CEP164: variants seen among roughly 807,000 people sequenced by gnomAD.
The protein encoded by CEP164 is centrosomal protein 164.
In CEP164, 162 loss-of-function variants were observed where a neutral mutation model predicts 182.7. The observed-to-expected ratio is 0.89, with a 90% CI of 0.78 to 1.01. CEP164 has a LOEUF of 1.01. Ranked by LOEUF, CEP164 falls within the 50% of genes least tolerant of loss-of-function variation. The probability of loss-of-function intolerance (pLI) is 0.00; values close to 1 mark genes in which losing one functional copy is unlikely to be tolerated. For synonymous variants in CEP164, 661 were observed against 690.0 expected, an observed-to-expected ratio of 0.96 and a Z score of 0.66; for missense variants, 1,735 against 1,790.4, an observed-to-expected ratio of 0.97 and a Z score of 0.56.
intron 14 of CEP164, among the ~76,000 whole-genome samples, chr11:117,384,244 C>T (rs1346721378): frequency 6.6e-6 from 1 of 152,208 alleles, no homozygotes; most frequent in African/African-American, 2.4e-5. Flanking sequence ...TTCATGCACA[C>T]ATTACTCACT....
intron 2 of CEP164, chr11:117,336,488 G>A: frequency 6.0e-6 from 9 of 1,493,246 alleles, no homozygotes; most frequent in Non-Finnish European, 7.4e-6. Context: ...GGATTGCCCT[G>A]GGGAACTCCT....
chr11:117,325,621 G>C (rs61656298), upstream of CEP164, among the ~76,000 whole-genome samples: 363 of 151,890 alleles, frequency 2.4e-3, 1 homozygote, highest in African/African-American at 8.4e-3. Flanking sequence ...CCTGACCTCA[G>C]GCGATCTGCC....
At chr11:117,334,891 A>T (rs1370694293) in intron 1 of CEP164, among the ~76,000 whole-genome samples, 1 of 151,872 alleles carries the variant, frequency 6.6e-6, no homozygotes, top group Non-Finnish European at 1.5e-5. Flanking sequence ...TGGAGATGGG[A>T]TGCATCTAGG....
chr11:117,387,074 C>T (rs1174912208), intron 14 of CEP164, 129 bp from the exon 15 acceptor site: 4 of 815,506 alleles, frequency 4.9e-6, no homozygotes, highest in Non-Finnish European at 8.1e-6. Flanking sequence ...CTTGGGTGAC[C>T]TCTTTGACTC....
At chr11:117,369,558 G>A (rs970268271) in intron 8 of CEP164, among the ~76,000 whole-genome samples, 1 of 152,202 alleles carries the variant, frequency 6.6e-6, no homozygotes, top group African/African-American at 2.4e-5. Context: ...CACTTTAACA[G>A]AGCATCAATA....
rs375594375 is a variant in CEP164, at chr11:117,387,262, T to C, written c.1784T>C (p.Met595Thr). Reference sequence around the variant, plus strand: ...CTCTCAGAGGCTGCACTAAAGGCCATGGAAGAGGCAGTGGCCCAAGTACTC... The same window carrying C: ...CTCTCAGAGGCTGCACTAAAGGCCACGGAAGAGGCAGTGGCCCAAGTACTC... ...EQLSEAALKA[M>T]EEAVAQVLEQ... Residue 595 changes from methionine to threonine, a missense_variant, in exon 15 of 33, where the codon ATG becomes ACG. By Grantham distance (81) the Met-to-Thr change is moderately conservative (BLOSUM62 -1). Transcript: ENST00000278935. 2.5e-6 allele frequency: 4 copies of C among 1,614,170 alleles called. No homozygotes were observed. The highest frequency in any genetic ancestry group is 3.4e-6 in the Non-Finnish European group (4 of 1,180,018).
chr11:117,393,271 G>T (rs940838217), intron 20 of CEP164, 145 bp downstream of exon 20: 41 of 1,374,466 alleles, frequency 3.0e-5, no homozygotes, highest in Non-Finnish European at 3.7e-5. Context: ...AGAGGAAGGG[G>T]ATAAACTGTG....
At chr11:117,359,617 T>C (rs2040709928) in intron 5 of CEP164, 1 of 983,754 alleles carries the variant, frequency 1.0e-6, no homozygotes, top group African/African-American at 1.7e-5. Context: ...TCCTTTTCTC[T>C]CTTCAGTCTT....
chr11:117,351,063 G>A (rs956041388), intron 4 of CEP164, among the ~76,000 whole-genome samples: 3 of 151,880 alleles, frequency 2.0e-5, no homozygotes, highest in Non-Finnish European at 4.4e-5. Flanking sequence ...ATGGAGTTTC[G>A]CTCTTATTGC....
chr11:117,354,254 G>A (rs548652696), intron 5 of CEP164, among the ~76,000 whole-genome samples: 11 of 152,058 alleles, frequency 7.2e-5, no homozygotes, highest in Non-Finnish European at 1.5e-4. Flanking sequence ...CTGACCTCAA[G>A]TGATCCGCCC....
chr11:117,353,730 T>C (rs1055899162), intron 5 of CEP164, among the ~76,000 whole-genome samples: 2 of 152,158 alleles, frequency 1.3e-5, no homozygotes, highest in African/African-American at 4.8e-5. Flanking sequence ...GCAGCCTGGA[T>C]GCAAGTGGTT....
intron 2 of CEP164, chr11:117,336,198 T>C: frequency 6.3e-7 from 1 of 1,589,608 alleles, no homozygotes; most frequent in South Asian, 1.1e-5. Context: ...CCAGGGCCTG[T>C]ATTCAGTCAG....
At chr11:117,407,288 A>G (rs1160984222) in intron 27 of CEP164, among the ~76,000 whole-genome samples, 1 of 151,766 alleles carries the variant, frequency 6.6e-6, no homozygotes, top group Non-Finnish European at 1.5e-5. Context: ...CCTCTCAACC[A>G]TGGTGGTGGT....
chr11:117,336,457 G>A (rs2037134999), intron 2 of CEP164: 3 of 1,466,442 alleles, frequency 2.0e-6, no homozygotes, highest in Non-Finnish European at 2.8e-6. Flanking sequence ...AGGATGAGGG[G>A]CCCCACCTGG....
intron 5 of CEP164, among the ~76,000 whole-genome samples, chr11:117,352,351 GCT>G (rs1247328413): frequency 6.6e-6 from 1 of 152,180 alleles, no homozygotes. Context: ...AGGCCAGTGA[GCT>G]GAGTGAAGTG....
At chr11:117,405,138 C>T (rs1448890343) in intron 27 of CEP164, among the ~76,000 whole-genome samples, 1 of 152,164 alleles carries the variant, frequency 6.6e-6, no homozygotes, top group African/African-American at 2.4e-5. Context: ...TCCCTGGCTT[C>T]AGCCCCGTTT....
intron 10 of CEP164, among the ~76,000 whole-genome samples, chr11:117,375,268 A>G (rs2135999626): frequency 1.3e-5 from 2 of 152,290 alleles, no homozygotes; most frequent in Middle Eastern, 6.8e-3. Flanking sequence ...CTTTGGAGTC[A>G]GTGCGGGGCC....
At chr11:117,338,450 C>T in intron 2 of CEP164, 116 bp from the exon 3 acceptor site, 2 of 729,778 alleles carry the variant, frequency 2.7e-6, no homozygotes, top group Non-Finnish European at 4.8e-6. Flanking sequence ...AGGCCCTGGC[C>T]AAATTGCTCT....
At chr11:117,402,214 TC>T (rs2046219943) in intron 27 of CEP164, among the ~76,000 whole-genome samples, 1 of 151,462 alleles carries the variant, frequency 6.6e-6, no homozygotes, top group Non-Finnish European at 1.5e-5. Context: ...TTGTTTCTTT[TC>T]TTTTCTTGTC....
Sources: gnomAD v4.1 joint callset for allele counts (sites outside exome capture counted in the v4.1 genomes callset) on GRCh38, gnomAD v4.1.1 for gene constraint, MANE v1.5 for transcripts, NCBI Gene and HGNC (gene_info 2026-07-23, HGNC 2026-07-21) for gene names.